GPC5: variants seen among roughly 807,000 people sequenced by gnomAD.
GPC5 encodes the protein glypican-5.
A neutral mutation model predicts 53.9 loss-of-function variants in GPC5; 47 were observed. The observed-to-expected ratio is 0.87, with a 90% CI of 0.69 to 1.11. The LOEUF is 1.11. Among genes scored for constraint, GPC5 ranks in the 50% most tolerant of loss-of-function variants. The pLI is 0.00. For missense variants in GPC5, 748 were observed against 713.1 expected, an observed-to-expected ratio of 1.05 and a Z score of -0.56; for synonymous variants, 286 against 263.3, an observed-to-expected ratio of 1.09 and a Z score of -0.84.
chr13:91,640,790 C>T (rs1236129636), intron 2 of GPC5, among the ~76,000 whole-genome samples: 2 of 148,894 alleles, frequency 1.3e-5, no homozygotes, highest in African/African-American at 5.0e-5. Context: ...CAGAGCGAGA[C>T]TCCTCAGGAA....
At chr13:92,729,680 T>C (rs1373886532) in intron 7 of GPC5, among the ~76,000 whole-genome samples, 1 of 151,440 alleles carries the variant, frequency 6.6e-6, no homozygotes, top group African/African-American at 2.4e-5. Flanking sequence ...GATCAGCATG[T>C]ATTTGATGTT....
intron 5 of GPC5, among the ~76,000 whole-genome samples, chr13:91,828,347 ATAGGTAGGTAGGTAGGTAGG>A (rs144877705): frequency 3.3e-5 from 5 of 150,060 alleles, no homozygotes; most frequent in South Asian, 2.1e-4. Context: ...AGATAGGTAG[ATAGGTAGGTAGGTAGGTAGG>A]TAGGTAGGTA....
At chr13:91,471,927 G>A (rs545014305) in intron 2 of GPC5, among the ~76,000 whole-genome samples, 32 of 152,152 alleles carry the variant, frequency 2.1e-4, no homozygotes, top group South Asian at 1.5e-3. Flanking sequence ...AGATTATGTC[G>A]TTCATATGCC....
chr13:92,678,381 G>A (rs549168769), intron 7 of GPC5, among the ~76,000 whole-genome samples: 40 of 152,196 alleles, frequency 2.6e-4, no homozygotes, highest in African/African-American at 8.9e-4. Flanking sequence ...TCTGGACATG[G>A]GACTGAAGAT....
intron 7 of GPC5, among the ~76,000 whole-genome samples, chr13:92,454,832 A>G (rs1337911059): frequency 6.6e-6 from 1 of 152,204 alleles, no homozygotes; most frequent in East Asian, 1.9e-4. Context: ...CAGTGAATTT[A>G]TATATAAAAA....
At chr13:92,371,602 G>A (rs1441996899) in intron 7 of GPC5, among the ~76,000 whole-genome samples, 1 of 152,120 alleles carries the variant, frequency 6.6e-6, no homozygotes, top group Admixed American at 6.6e-5. Flanking sequence ...TTATGATCAT[G>A]GTGGAAGGTG....
intron 7 of GPC5, among the ~76,000 whole-genome samples, chr13:92,723,962 C>G (rs73623320): frequency 9.2e-4 from 140 of 151,394 alleles, no homozygotes; most frequent in Middle Eastern, 3.5e-3. Context: ...CTGTTTTTTG[C>G]GTTTCAGAAA....
At chr13:92,123,966 A>G (rs993541585) in intron 6 of GPC5, among the ~76,000 whole-genome samples, 26 of 152,272 alleles carry the variant, frequency 1.7e-4, no homozygotes, top group Middle Eastern at 6.8e-3. Context: ...TATAGTTACG[A>G]TAGTACTGAA....
chr13:91,944,604 A>G (rs1448490264), intron 6 of GPC5, among the ~76,000 whole-genome samples: 1 of 152,150 alleles, frequency 6.6e-6, no homozygotes. Flanking sequence ...ATCATCAGTA[A>G]AATGTCTATT....
intron 2 of GPC5, among the ~76,000 whole-genome samples, chr13:91,547,445 A>G (rs1278438607): frequency 1.3e-5 from 2 of 152,150 alleles, no homozygotes; most frequent in South Asian, 2.1e-4. Context: ...TGATATTTAT[A>G]TGAAAAGAAG....
At chr13:91,500,168 T>C (rs918994965) in intron 2 of GPC5, among the ~76,000 whole-genome samples, 10 of 152,246 alleles carry the variant, frequency 6.6e-5, no homozygotes, top group African/African-American at 2.4e-4. Flanking sequence ...ATTTTTTATA[T>C]ATTTGTTGTC....
chr13:91,422,656 C>CA (rs202162823), intron 1 of GPC5, among the ~76,000 whole-genome samples: 1 of 150,954 alleles, frequency 6.6e-6, no homozygotes, highest in Non-Finnish European at 1.5e-5. Context: ...AAAAAAAAAA[C>CA]CATTTCTTAC....
chr13:92,586,789 C>T (rs573810722), intron 7 of GPC5, among the ~76,000 whole-genome samples: 7 of 152,196 alleles, frequency 4.6e-5, no homozygotes, highest in South Asian at 2.1e-4. Flanking sequence ...AGGAGAGAAA[C>T]GGAAATGAAG....
intron 6 of GPC5, among the ~76,000 whole-genome samples, chr13:91,927,517 C>A (rs946845118): frequency 6.6e-6 from 1 of 151,966 alleles, no homozygotes; most frequent in African/African-American, 2.4e-5. Flanking sequence ...CAAGAGAGAA[C>A]TATTGTATAA....
chr13:91,479,424 G>T (rs1883185196), intron 2 of GPC5, among the ~76,000 whole-genome samples: 1 of 152,090 alleles, frequency 6.6e-6, no homozygotes, highest in Admixed American at 6.6e-5. Flanking sequence ...CATTTATGAG[G>T]TATGGGTGCA....
At chr13:92,402,675 G>C (rs1875613566) in intron 7 of GPC5, among the ~76,000 whole-genome samples, 1 of 152,132 alleles carries the variant, frequency 6.6e-6, no homozygotes, top group Non-Finnish European at 1.5e-5. Context: ...GCTTGTCTTT[G>C]TATTTTCTAT....
chr13:91,580,802 A>G (rs912367979), intron 2 of GPC5, among the ~76,000 whole-genome samples: 2 of 152,210 alleles, frequency 1.3e-5, no homozygotes, highest in Non-Finnish European at 2.9e-5. Flanking sequence ...TATTTTGCCC[A>G]TATTCATATA....
At chr13:92,381,859 T>TTA (rs1214587175) in intron 7 of GPC5, among the ~76,000 whole-genome samples, 2 of 135,572 alleles carry the variant, frequency 1.5e-5, no homozygotes, top group Non-Finnish European at 1.6e-5. Flanking sequence ...TCATATATGA[T>TTA]TATATATATC....
At chr13:92,074,374 T>C (rs1178644992) in intron 6 of GPC5, among the ~76,000 whole-genome samples, 8 of 152,200 alleles carry the variant, frequency 5.3e-5, no homozygotes, top group African/African-American at 1.9e-4. Context: ...CCATTTGACT[T>C]CTCTGCTCTT....
Sources: gnomAD v4.1 joint callset for allele counts (sites outside exome capture counted in the v4.1 genomes callset) on GRCh38, gnomAD v4.1.1 for gene constraint, MANE v1.5 for transcripts, NCBI Gene and HGNC (gene_info 2026-07-23, HGNC 2026-07-21) for gene names.